GNL3L: variants seen among roughly 807,000 people sequenced by gnomAD.
GNL3L encodes the protein G protein nucleolar 3 like.
GNL3L carries 4 observed loss-of-function variants against 42.9 expected under a neutral mutation model. The observed-to-expected ratio is 0.09, with a 90% confidence interval of 0.05 to 0.21. GNL3L has a LOEUF of 0.21. Among genes scored for constraint, GNL3L ranks in the 10% least tolerant of loss-of-function variants. The pLI, the probability that GNL3L is intolerant of heterozygous loss-of-function variation, is 1.00. For synonymous variants in GNL3L, 159 were observed against 176.3 expected, an observed-to-expected ratio of 0.90 and a Z score of 0.78; for missense variants, 412 against 481.7, an observed-to-expected ratio of 0.86 and a Z score of 1.36.
intron 16 of GNL3L, among the ~76,000 whole-genome samples, chrX:54,609,974 C>T (rs1160040645): frequency 8.9e-6 from 1 of 111,864 alleles, no homozygotes; most frequent in Non-Finnish European, 1.9e-5. Flanking sequence ...TTCTACACAT[C>T]CATGAGCATG....
At chrX:54,560,380 C>A in intron 15 of GNL3L, 140 bp from the exon 16 acceptor site, 1 of 457,790 alleles carries the variant, frequency 2.2e-6, no homozygotes, top group Admixed American at 3.4e-5. Context: ...CCAGCACTCA[C>A]CAGTTTTGTG....
rs1210890550 is a variant in GNL3L, at chrX:54,551,739, G to A, written c.1035G>A (p.Glu345=). 8.3e-7 allele frequency: 1 copy of A among 1,211,054 alleles called. No individual in the cohort carries two copies. The highest frequency in any genetic ancestry group is 2.2e-5 in the Admixed American group (1 of 46,016). ...VETILQRCNL[E]EISNYYGVSG... ...CCATCCTGCAGCGCTGCAACCTGGA[G>A]GAGGTCCGCAGCAGAGCCCTGGCTG... The change falls in exon 11 of 16, where the codon GAG becomes GAA. Residue 345 remains glutamate, a synonymous_variant. Transcript: ENST00000360845.
chrX:54,555,679 C>T (rs1925076054), intron 14 of GNL3L, among the ~76,000 whole-genome samples: 1 of 76,961 alleles, frequency 1.3e-5, no homozygotes, highest in African/African-American at 5.4e-5. Flanking sequence ...TGGGGTTTCA[C>T]TGTGTTGGCC....
At chrX:54,641,888 G>T in the GNL3L span, among the ~76,000 whole-genome samples, 1 of 111,893 alleles carries the variant, frequency 8.9e-6, no homozygotes, top group African/African-American at 3.2e-5. Flanking sequence ...GCAGTTCAAG[G>T]TGGTTGGCTG....
intron 16 of GNL3L, among the ~76,000 whole-genome samples, chrX:54,598,289 T>A (rs1925961915): frequency 9.0e-6 from 1 of 111,009 alleles, no homozygotes; most frequent in Non-Finnish European, 1.9e-5. Flanking sequence ...TGAGGAGGAG[T>A]ATTTAGGAAA....
At chrX:54,549,887 C>G (rs1298104939) in intron 9 of GNL3L, among the ~76,000 whole-genome samples, 1 of 110,488 alleles carries the variant, frequency 9.1e-6, no homozygotes, top group Non-Finnish European at 1.9e-5. Flanking sequence ...GAGGCGCAGA[C>G]AGGGAGAGAG....
chrX:54,548,114 C>A, intron 8 of GNL3L, 115 bp from the exon 9 acceptor site: 1 of 526,872 alleles, frequency 1.9e-6, no homozygotes, highest in Non-Finnish European at 3.2e-6. Context: ...AGAAGCCTTC[C>A]GTTTCAGGCT....
chrX:54,548,517 A>T, intron 9 of GNL3L, 144 bp downstream of exon 9: 1 of 489,452 alleles, frequency 2.0e-6, no homozygotes. Context: ...TGTAACTTGG[A>T]TGGGTGGGCA....
chrX:54,608,199 G>GTC (rs1333685651), intron 16 of GNL3L, among the ~76,000 whole-genome samples: 1 of 111,198 alleles, frequency 9.0e-6, no homozygotes, highest in African/African-American at 3.3e-5. Flanking sequence ...GGGTAGTCAT[G>GTC]TCTTTACTTT....
At chrX:54,634,437 G>T in the GNL3L span, among the ~76,000 whole-genome samples, 1 of 111,287 alleles carries the variant, frequency 9.0e-6, no homozygotes, top group Non-Finnish European at 1.9e-5. Flanking sequence ...AAGTAGCTGG[G>T]ATTACAGGCA....
intron 16 of GNL3L, among the ~76,000 whole-genome samples, chrX:54,599,296 C>G (rs1045825853): frequency 1.8e-5 from 2 of 111,738 alleles, no homozygotes; most frequent in African/African-American, 3.2e-5. Context: ...TATAGTTTCT[C>G]AGAGACAGAG....
downstream of GNL3L, among the ~76,000 whole-genome samples, chrX:54,625,462 A>G (rs756444744): frequency 1.8e-5 from 2 of 110,317 alleles, no homozygotes; most frequent in African/African-American, 3.3e-5. Context: ...AATGTAGTGT[A>G]TTATATTGTT....
chrX:54,577,797 G>A (rs1429638872), intron 16 of GNL3L, among the ~76,000 whole-genome samples: 1 of 110,472 alleles, frequency 9.1e-6, no homozygotes, highest in Non-Finnish European at 1.9e-5. Context: ...CTGGAGTGCA[G>A]TGGCATGATC....
the GNL3L span, among the ~76,000 whole-genome samples, chrX:54,630,693 C>CCTTCCTTCCTTCCTTCCTTT: frequency 4.8e-4 from 2 of 4,163 alleles, no homozygotes; most frequent in East Asian, 0.14. Flanking sequence ...TTCCTTCCTT[C>CCTTCCTTCCTTCCTTCCTTT]CTTCCTTTCT....
At chrX:54,544,115 T>C in intron 7 of GNL3L, 108 bp from the exon 8 acceptor site, 1 of 477,855 alleles carries the variant, frequency 2.1e-6, no homozygotes. Flanking sequence ...GAGAGACCTG[T>C]TGATGGTAGG....
At chrX:54,589,814 A>C (rs750164114) in intron 16 of GNL3L, among the ~76,000 whole-genome samples, 33 of 111,354 alleles carry the variant, frequency 3.0e-4, no homozygotes, top group Non-Finnish European at 5.3e-4. Flanking sequence ...GAACTTCCAA[A>C]GTGTTCTCCA....
downstream of GNL3L, among the ~76,000 whole-genome samples, chrX:54,571,194 AT>A (rs141463877): frequency 8.7e-4 from 80 of 91,430 alleles, no homozygotes; most frequent in Admixed American, 1.0e-3. Flanking sequence ...TGTCATCCTA[AT>A]TTTTTTTTTT....
At chrX:54,597,461 G>A (rs1353376051) in intron 16 of GNL3L, among the ~76,000 whole-genome samples, 7 of 111,012 alleles carry the variant, frequency 6.3e-5, no homozygotes, top group Admixed American at 3.8e-4. Flanking sequence ...TCCTCAAATG[G>A]AAGGAAGGCA....
rs113650284 is a variant in GNL3L, at chrX:54,546,490, G to A, written c.631-1739G>A. 8.1e-3 allele frequency among the ~76,000 whole-genome samples: 905 copies of A among 111,513 alleles called. 7 individuals are homozygous for A. Among genetic ancestry groups the A allele is most frequent in the African/African-American group, 0.027 (831 of 30,707 alleles). ...CCTAGACACTGATGAATCACCCTCC[G>A]TGATGGCTGTACCAATTTATACTCC... On this transcript the variant is annotated intron_variant, in intron 8 of 15. Transcript: ENST00000360845.
Sources: allele counts gnomAD v4.1 joint callset (sites outside exome capture counted in the v4.1 genomes callset), GRCh38; gene constraint gnomAD v4.1.1; transcripts MANE v1.5; gene names NCBI Gene and HGNC (gene_info 2026-07-23, HGNC 2026-07-21).